HCRTR2: variants seen among roughly 807,000 people sequenced by gnomAD.
HCRTR2 encodes hypocretin receptor 2, also known as orexin receptor type 2.
A neutral mutation model predicts 49.0 loss-of-function variants in HCRTR2; 22 were observed. The observed-to-expected ratio is 0.45, with a 90% CI of 0.32 to 0.64. HCRTR2 has a LOEUF of 0.64. Ranked by LOEUF, HCRTR2 falls within the 30% of genes least tolerant of loss-of-function variation. The probability of loss-of-function intolerance (pLI) is 0.04; values close to 1 mark genes in which losing one functional copy is unlikely to be tolerated. For synonymous variants in HCRTR2, 236 were observed against 205.3 expected (o/e 1.15, Z -1.28); for missense variants, 491 against 559.4 (o/e 0.88, Z 1.23).
At chr6:55,188,374 G>A (rs1765260978) in intron 1 of HCRTR2, among the ~76,000 whole-genome samples, 1 of 152,150 alleles carries the variant, frequency 6.6e-6, no homozygotes, top group African/African-American at 2.4e-5. Flanking sequence ...TTGTAAACAG[G>A]AGTTCAGAAG....
chr6:55,229,751 C>G (rs1157056928), intron 1 of HCRTR2, among the ~76,000 whole-genome samples: 1 of 152,106 alleles, frequency 6.6e-6, no homozygotes, highest in African/African-American at 2.4e-5. Flanking sequence ...AAATGAGGAA[C>G]TGCTGTCCAA....
chr6:55,203,333 A>C (rs1044223770), intron 1 of HCRTR2, among the ~76,000 whole-genome samples: 2 of 152,172 alleles, frequency 1.3e-5, no homozygotes, highest in African/African-American at 4.8e-5. Flanking sequence ...AATCAATGAC[A>C]TTTAATATTA....
At chr6:55,112,671 G>A (rs957990522) in intron 1 of HCRTR2, among the ~76,000 whole-genome samples, 8 of 151,802 alleles carry the variant, frequency 5.3e-5, no homozygotes, top group African/African-American at 1.9e-4. Context: ...AACATCCCAT[G>A]TTCATGGATA....
rs1455772370 is a variant in HCRTR2, at chr6:55,113,328, C to CA, written c.-378+6784dup. ...ATTACACAGCAAGAAAAATAATCAGCAGAGTGAACAGACAACCCACAGAGT... is the reference window on the plus strand; with the variant it reads ...ATTACACAGCAAGAAAAATAATCAGCAAGAGTGAACAGACAACCCACAGAGT... On this transcript the variant is annotated intron_variant, in intron 1 of 7. Transcript: ENST00000615358. 2.0e-5 allele frequency among the ~76,000 whole-genome samples: 3 copies of CA among 151,998 alleles called. No homozygotes were observed. The East Asian group carries it at 5.8e-4, about 29-fold the overall frequency.
Position 55,254,236 on chromosome 6 carries a change from T to TA in HCRTR2, c.403-891dup, listed in dbSNP as rs71724975. Among the ~76,000 whole-genome samples the TA allele has an allele frequency of 3.8e-3, 573 of 151,144 alleles. 2 individuals carry two copies. Among genetic ancestry groups the TA allele is most frequent in the African/African-American group, 0.011 (449 of 41,252 alleles). On this transcript the variant is annotated intron_variant, in intron 2 of 6. Coordinates refer to ENST00000370862, the MANE Select transcript of HCRTR2 (RefSeq NM_001384272.1). The stretch of plus-strand genomic sequence containing the variant: ...TGAAAGAAAAATAAATAACAATCTG[T>TA]AAAAAAAAATGTAAAAGAAATCAGA...
intron 1 of HCRTR2, among the ~76,000 whole-genome samples, chr6:55,129,624 T>G (rs1028872433): frequency 2.0e-5 from 3 of 152,056 alleles, no homozygotes; most frequent in African/African-American, 4.8e-5. Context: ...CCATAAATAT[T>G]TTTTAGCACT....
chr6:55,181,355 A>T (rs1765131275), intron 1 of HCRTR2, among the ~76,000 whole-genome samples: 1 of 152,190 alleles, frequency 6.6e-6, no homozygotes, highest in South Asian at 2.1e-4. Flanking sequence ...AACCAAGTAA[A>T]TGAATTAAAT....
intron 5 of HCRTR2, among the ~76,000 whole-genome samples, chr6:55,278,396 C>T (rs1767120178): frequency 6.6e-6 from 1 of 152,156 alleles, no homozygotes; most frequent in Admixed American, 6.6e-5. Flanking sequence ...TAGAATTGCT[C>T]CTCTCACTTT....
At chr6:55,207,872 A>T (rs1765629157) in intron 1 of HCRTR2, among the ~76,000 whole-genome samples, 1 of 152,212 alleles carries the variant, frequency 6.6e-6, no homozygotes, top group African/African-American at 2.4e-5. Flanking sequence ...GAATGTTAAT[A>T]TATATCTGCA....
chr6:55,270,183 C>A (rs1010641831), intron 4 of HCRTR2, among the ~76,000 whole-genome samples: 6 of 151,982 alleles, frequency 3.9e-5, no homozygotes, highest in Admixed American at 3.9e-4. Context: ...GTACTAGTCT[C>A]TATATAGGCA....
intron 1 of HCRTR2, among the ~76,000 whole-genome samples, chr6:55,166,706 A>C (rs1764882315): frequency 6.6e-6 from 1 of 152,120 alleles, no homozygotes; most frequent in African/African-American, 2.4e-5. Context: ...CCAGGCATGC[A>C]CCCAAGAGCA....
chr6:55,234,951 A>T (rs544551703), intron 1 of HCRTR2, among the ~76,000 whole-genome samples: 5 of 152,288 alleles, frequency 3.3e-5, no homozygotes, highest in African/African-American at 1.2e-4. Context: ...CAAAATTTCC[A>T]TCAATTGTAG....
intron 1 of HCRTR2, among the ~76,000 whole-genome samples, chr6:55,165,064 T>C (rs1411027786): frequency 2.0e-5 from 3 of 152,146 alleles, no homozygotes; most frequent in African/African-American, 4.8e-5. Context: ...GAATTGATCC[T>C]GCAGAAGAAA....
intron 1 of HCRTR2, among the ~76,000 whole-genome samples, chr6:55,142,202 T>TG (rs1581792178): frequency 1.4e-5 from 2 of 145,520 alleles, no homozygotes; most frequent in East Asian, 4.0e-4. Context: ...TAAAAAAAAA[T>TG]TTTTTTTTTT....
At chr6:55,136,535 ACT>A (rs1764436259) in intron 1 of HCRTR2, among the ~76,000 whole-genome samples, 1 of 152,244 alleles carries the variant, frequency 6.6e-6, no homozygotes, top group African/African-American at 2.4e-5. Flanking sequence ...TTACAGAATA[ACT>A]CTGCGTACAC....
At chr6:55,129,258 T>C (rs1764322418) in intron 1 of HCRTR2, among the ~76,000 whole-genome samples, 1 of 152,116 alleles carries the variant, frequency 6.6e-6, no homozygotes, top group African/African-American at 2.4e-5. Flanking sequence ...TGTTGACTAA[T>C]CATATCCCCT....
In HCRTR2 at chr6:55,208,328, A is replaced by AT. The variant is rs1491480411; in HGVS notation, c.223+33518_223+33519insT. On this transcript the variant is annotated intron_variant, in intron 1 of 6. Coordinates refer to ENST00000370862, the MANE Select transcript of HCRTR2 (RefSeq NM_001384272.1). ...CAGTCTCTACGAAAAATAAAAAAATAAAAAAAAAAAAAAAATAGCCAGGTG... is the reference window on the plus strand; with the variant it reads ...CAGTCTCTACGAAAAATAAAAAAATATAAAAAAAAAAAAAAATAGCCAGGTG... Among the ~76,000 whole-genome samples, 12 of 136,496 alleles carry AT rather than the reference A, an allele frequency of 8.8e-5. 1 individual carries two copies. The highest frequency in any genetic ancestry group is 4.6e-4 in the South Asian group (2 of 4,384). 89.5% of individuals were successfully genotyped at this position (136,496 alleles called of 152,430 possible). A position where few individuals can be genotyped will look rare whatever the true frequency, so the allele number is the denominator to read the frequency against.
chr6:55,141,453 T>A (rs1764506218), intron 1 of HCRTR2, among the ~76,000 whole-genome samples: 1 of 152,176 alleles, frequency 6.6e-6, no homozygotes, highest in African/African-American at 2.4e-5. Context: ...GTTTACAAAG[T>A]GAAGTTAGAA....
At chr6:55,168,235 T>C (rs552270564) in intron 1 of HCRTR2, among the ~76,000 whole-genome samples, 2 of 152,306 alleles carry the variant, frequency 1.3e-5, no homozygotes, top group Admixed American at 1.3e-4. Context: ...GGGGGAGATG[T>C]CATCCTGAAG....
Sources: gnomAD v4.1 joint callset for allele counts (sites outside exome capture counted in the v4.1 genomes callset) on GRCh38, gnomAD v4.1.1 for gene constraint, MANE v1.5 for transcripts, NCBI Gene and HGNC (gene_info 2026-07-23, HGNC 2026-07-21) for gene names.